PPP2R5E: variants seen among roughly 807,000 people sequenced by gnomAD.
PPP2R5E encodes serine/threonine-protein phosphatase 2A 56 kDa regulatory subunit epsilon isoform.
A neutral mutation model predicts 65.3 loss-of-function variants in PPP2R5E; 4 were observed. The observed-to-expected ratio is 0.06, with a 90% confidence interval of 0.03 to 0.14. The LOEUF (loss-of-function observed/expected upper bound fraction) is 0.14, where lower values mean the gene tolerates loss of function less well. PPP2R5E is among the 10% of genes least tolerant of loss of function. PPP2R5E has a pLI of 1.00. For missense variants in PPP2R5E, 274 were observed against 556.1 expected (o/e 0.49, Z 5.10); for synonymous variants, 183 against 187.4 (o/e 0.98, Z 0.19).
intron 3 of PPP2R5E, among the ~76,000 whole-genome samples, chr14:63,434,011 T>A (rs1887826964): frequency 6.6e-6 from 1 of 152,208 alleles, no homozygotes; most frequent in African/African-American, 2.4e-5. Context: ...TGGGTTTTAT[T>A]TCCTTTCAGT....
chr14:63,435,998 C>G (rs746833329), intron 3 of PPP2R5E, among the ~76,000 whole-genome samples: 2 of 152,162 alleles, frequency 1.3e-5, no homozygotes, highest in Non-Finnish European at 2.9e-5. Flanking sequence ...AGTCATAGTG[C>G]TTACTGTGTA....
chr14:63,510,924 T>G (rs1253811241), intron 2 of PPP2R5E, among the ~76,000 whole-genome samples: 1 of 152,190 alleles, frequency 6.6e-6, no homozygotes, highest in African/African-American at 2.4e-5. Flanking sequence ...TGGTTTGGAC[T>G]AGGAAGTAGC....
chr14:63,397,088 G>A (rs767311601), intron 5 of PPP2R5E, among the ~76,000 whole-genome samples: 21 of 152,156 alleles, frequency 1.4e-4, no homozygotes, highest in Non-Finnish European at 2.1e-4. Flanking sequence ...GTTAAGTAAC[G>A]TGCCCACGGT....
intron 2 of PPP2R5E, among the ~76,000 whole-genome samples, chr14:63,538,037 T>G (rs1232387690): frequency 6.6e-6 from 1 of 152,228 alleles, no homozygotes; most frequent in Non-Finnish European, 1.5e-5. Flanking sequence ...CCGGGCATGG[T>G]GGCTCACGCC....
chr14:63,405,360 A>T (rs1212611444), intron 5 of PPP2R5E, among the ~76,000 whole-genome samples: 3 of 152,160 alleles, frequency 2.0e-5, no homozygotes, highest in African/African-American at 7.2e-5. Context: ...TAGAACTAAA[A>T]TTTTTTTAAT....
chr14:63,464,441 A>G (rs28711489), intron 2 of PPP2R5E, among the ~76,000 whole-genome samples: 45,509 of 151,766 alleles, frequency 0.3, 8,498 homozygotes, highest in African/African-American at 0.53. Context: ...TCCCAAGGAG[A>G]GAAATGGCAA....
rs557273298 is a variant in PPP2R5E, at chr14:63,394,070, C to CTTT, written c.741-145_741-143dup. The CTTT allele has an allele frequency of 1.4e-3, 257 of 181,276 alleles. 5 individuals carry two copies. Among genetic ancestry groups the CTTT allele is most frequent in the South Asian group, 2.5e-3 (30 of 11,804 alleles). The allele number at this position is 181,276 out of a possible 1,614,324, so 11.2% of individuals were successfully genotyped here. A position where few individuals can be genotyped will look rare whatever the true frequency, so the allele number is the denominator to read the frequency against. ...CCACCCCAGTGGCATTCAGAATTTC[C>CTTT]TTTTTTTTTTTTTTTTTTTTTTTTT... is the stretch of plus-strand genomic sequence containing the variant. On this transcript the variant is annotated intron_variant, in intron 7 of 13. Coordinates refer to ENST00000337537, the MANE Select transcript of PPP2R5E (RefSeq NM_006246.5).
rs1386542879 is a variant in PPP2R5E, at chr14:63,390,490, C to T, written c.955-759G>A. ...TGACAGATAAATAAAAACCAGTTTACGTATTTAGCTATGAAAAAATAATTA... is the reference window on the plus strand; with the variant it reads ...TGACAGATAAATAAAAACCAGTTTATGTATTTAGCTATGAAAAAATAATTA... On this transcript the variant is annotated intron_variant, in intron 10 of 13. Transcript: ENST00000337537. Among the ~76,000 whole-genome samples, 5 of 151,880 alleles carry T rather than the reference C, an allele frequency of 3.3e-5. No homozygotes were observed. In the East Asian group the frequency reaches 7.7e-4, roughly 23 times the overall value.
intron 2 of PPP2R5E, among the ~76,000 whole-genome samples, chr14:63,484,347 T>TCACACACA (rs199749451): frequency 0.039 from 5,442 of 139,592 alleles, 96 homozygotes; most frequent in South Asian, 0.061. Flanking sequence ...TCTCTCTCTC[T>TCACACACA]CACACACACA....
chr14:63,441,936 T>C (rs1203091230), intron 3 of PPP2R5E, among the ~76,000 whole-genome samples: 4 of 149,450 alleles, frequency 2.7e-5, no homozygotes, highest in African/African-American at 9.9e-5. Context: ...ATACACAGAA[T>C]ACACAAAATT....
chr14:63,475,604 C>A (rs1416253712), intron 2 of PPP2R5E, among the ~76,000 whole-genome samples: 1 of 152,060 alleles, frequency 6.6e-6, no homozygotes, highest in East Asian at 1.9e-4. Context: ...TATTTATAAT[C>A]TTTCATTTAG....
intron 2 of PPP2R5E, among the ~76,000 whole-genome samples, chr14:63,501,765 C>T (rs1200789513): frequency 6.6e-6 from 1 of 152,068 alleles, no homozygotes; most frequent in African/African-American, 2.4e-5. Context: ...GACATATATT[C>T]AAAACGGAAC....
Position 63,394,167 on chromosome 14 carries a change from C to T in PPP2R5E, c.741-239G>A, listed in dbSNP as rs535176021. On this transcript the variant is annotated intron_variant, in intron 7 of 13. Transcript: ENST00000337537. ...CCCAATCTCAGCTCACTGCAACCTT[C>T]GCCTCCGGGATTCAAGCTATTCCTA... 6.1e-5 allele frequency among the ~76,000 whole-genome samples: 9 copies of T among 148,230 alleles called. No individual in the cohort carries two copies. In the East Asian group the frequency reaches 1.6e-3, roughly 26 times the overall value.
At chr14:63,474,607 G>T (rs1186588606) in intron 2 of PPP2R5E, among the ~76,000 whole-genome samples, 1 of 141,188 alleles carries the variant, frequency 7.1e-6, no homozygotes, top group African/African-American at 2.6e-5. Context: ...CAGGGAGGTC[G>T]AGGCTGCAGT....
chr14:63,423,126 G>A (rs972668401), intron 3 of PPP2R5E, among the ~76,000 whole-genome samples: 4 of 152,182 alleles, frequency 2.6e-5, no homozygotes, highest in African/African-American at 7.2e-5. Flanking sequence ...ACGGAGTCTC[G>A]CTCTGTCACC....
chr14:63,497,615 G>T (rs1473346441), intron 2 of PPP2R5E, among the ~76,000 whole-genome samples: 3 of 152,114 alleles, frequency 2.0e-5, no homozygotes, highest in African/African-American at 7.2e-5. Flanking sequence ...GGACATGGTG[G>T]CACATGCCTG....
chr14:63,394,059 T>C (rs1017843659), intron 7 of PPP2R5E, 131 bp from the exon 8 acceptor site: 3 of 421,834 alleles, frequency 7.1e-6, no homozygotes, highest in Admixed American at 3.7e-5. Context: ...CCCAGTGGCA[T>C]TCAGAATTTC....
intron 2 of PPP2R5E, among the ~76,000 whole-genome samples, chr14:63,532,020 C>T (rs889058682): frequency 1.3e-5 from 2 of 152,164 alleles, no homozygotes; most frequent in African/African-American, 2.4e-5. Context: ...AAGGTACAAA[C>T]TAGATCAATA....
At chr14:63,498,751 C>T (rs1891707850) in intron 2 of PPP2R5E, among the ~76,000 whole-genome samples, 1 of 151,946 alleles carries the variant, frequency 6.6e-6, no homozygotes, top group African/African-American at 2.4e-5. Flanking sequence ...GTCACAAATC[C>T]CTATATACAT....
Sources: allele counts gnomAD v4.1 joint callset (sites outside exome capture counted in the v4.1 genomes callset), GRCh38; gene constraint gnomAD v4.1.1; transcripts MANE v1.5; gene names NCBI Gene and HGNC (gene_info 2026-07-23, HGNC 2026-07-21).